TEAD1: variants seen among roughly 807,000 people sequenced by gnomAD.
TEAD1 encodes transcriptional enhancer factor TEF-1.
TEAD1 carries 9 observed loss-of-function variants against 54.9 expected under a neutral mutation model. That is an observed-to-expected ratio of 0.16 (90% CI 0.10 to 0.29). TEAD1 has a LOEUF of 0.29. TEAD1 is among the 10% of genes least tolerant of loss of function. The pLI, the probability that TEAD1 is intolerant of heterozygous loss-of-function variation, is 1.00. For synonymous variants in TEAD1, 200 were observed against 187.8 expected (o/e 1.07, Z -0.53); for missense variants, 387 against 535.9 (o/e 0.72, Z 2.74).
At chr11:12,690,147 CAGG>C (rs964832707) in intron 2 of TEAD1, among the ~76,000 whole-genome samples, 1 of 148,522 alleles carries the variant, frequency 6.7e-6, no homozygotes, top group Non-Finnish European at 1.5e-5. Context: ...AAGCTGAAGG[CAGG>C]AGAATGGCGT....
chr11:12,787,656 C>T (rs1383719664), intron 3 of TEAD1, among the ~76,000 whole-genome samples: 1 of 152,142 alleles, frequency 6.6e-6, no homozygotes, highest in Non-Finnish European at 1.5e-5. Flanking sequence ...AGAACTTTCT[C>T]GGCTTTACTT....
At chr11:12,833,990 T>C (rs1946832654) in intron 3 of TEAD1, among the ~76,000 whole-genome samples, 1 of 152,180 alleles carries the variant, frequency 6.6e-6, no homozygotes, top group African/African-American at 2.4e-5. Context: ...TGTAAGGACT[T>C]AATAAATGTT....
intron 2 of TEAD1, among the ~76,000 whole-genome samples, chr11:12,740,604 A>G (rs1442917504): frequency 6.6e-6 from 1 of 152,204 alleles, no homozygotes; most frequent in Non-Finnish European, 1.5e-5. Context: ...AAACAGGTAC[A>G]TCTTACATGG....
At chr11:12,872,212 G>C (rs1947761953) in intron 5 of TEAD1, among the ~76,000 whole-genome samples, 1 of 152,202 alleles carries the variant, frequency 6.6e-6, no homozygotes, top group Non-Finnish European at 1.5e-5. Context: ...GAATGGGCCT[G>C]TCCACAGGGA....
chr11:12,874,426 T>C (rs374485367), intron 5 of TEAD1, among the ~76,000 whole-genome samples: 87 of 152,290 alleles, frequency 5.7e-4, no homozygotes, highest in African/African-American at 2.1e-3. Flanking sequence ...CATGTAGATA[T>C]TTTCCAAACA....
chr11:12,926,262 C>T (rs1948901524), intron 11 of TEAD1, among the ~76,000 whole-genome samples: 2 of 152,050 alleles, frequency 1.3e-5, no homozygotes, highest in African/African-American at 4.8e-5. Context: ...TGCTGCAGGC[C>T]CTCGTAGCAC....
intron 10 of TEAD1, among the ~76,000 whole-genome samples, chr11:12,903,238 A>G (rs937325723): frequency 6.6e-6 from 1 of 152,102 alleles, no homozygotes; most frequent in Non-Finnish European, 1.5e-5. Flanking sequence ...GGAGCTTGAC[A>G]TCAGATCTGT....
At chr11:12,889,383 G>A (rs1482085583) in intron 9 of TEAD1, among the ~76,000 whole-genome samples, 2 of 44,218 alleles carry the variant, frequency 4.5e-5, no homozygotes, top group African/African-American at 2.0e-4. Context: ...TCTGGGGCAC[G>A]GCGGGTTCCT....
At chr11:12,889,379 G>A (rs1052161638) in intron 9 of TEAD1, among the ~76,000 whole-genome samples, 12 of 94,372 alleles carry the variant, frequency 1.3e-4, no homozygotes, top group African/African-American at 4.8e-4. Context: ...CAATTCTGGG[G>A]CACGGCGGGT....
Position 12,942,718 on chromosome 11 carries a change from A to G in TEAD1, c.*5496A>G, listed in dbSNP as rs1041534545. On this transcript the variant is annotated 3_prime_UTR_variant, in exon 13 of 13. Transcript: ENST00000527636. ...TCAAACTGAGACGACAGTGCAGAAC[A>G]AAACAAAAGTGAGTTAGGGTCGTTA... 4 of 152,254 alleles carry G rather than the reference A, an allele frequency of 2.6e-5. No homozygotes were observed. Among genetic ancestry groups the G allele is most frequent in the Non-Finnish European group, 4.4e-5 (3 of 68,048 alleles). 9.4% of individuals were successfully genotyped at this position (152,254 alleles called of 1,614,324 possible).
intron 3 of TEAD1, among the ~76,000 whole-genome samples, chr11:12,814,064 G>A (rs940417369): frequency 1.3e-5 from 2 of 152,154 alleles, no homozygotes; most frequent in East Asian, 1.9e-4. Context: ...TCTGGGAGCC[G>A]TGTCTCATTC....
intron 2 of TEAD1, among the ~76,000 whole-genome samples, chr11:12,721,158 C>A (rs575213524): frequency 3.3e-5 from 5 of 152,176 alleles, no homozygotes; most frequent in Admixed American, 1.3e-4. Context: ...TTACTAGTCT[C>A]CCATGCAGTG....
At chr11:12,796,097 G>C (rs1041468759) in intron 3 of TEAD1, among the ~76,000 whole-genome samples, 2 of 152,098 alleles carry the variant, frequency 1.3e-5, no homozygotes, top group Middle Eastern at 3.2e-3. Flanking sequence ...GGGCCAGGAG[G>C]GGGGCTAGTG....
chr11:12,862,239 C>G lies in TEAD1; in HGVS notation c.203-11C>G. On this transcript the variant is annotated splice_polypyrimidine_tract_variant and intron_variant, in intron 3 of 12. Coordinates refer to ENST00000527636, the MANE Select transcript of TEAD1 (RefSeq NM_021961.6). ...GTAACCCACCTCATGGTAAATTCTT[C>G]TTTCTTTCAGGTAGGAATGAATTGA... 1 of 1,613,146 alleles carries G rather than the reference C, an allele frequency of 6.2e-7. No homozygotes were observed. Among genetic ancestry groups the G allele is most frequent in the Non-Finnish European group, 8.5e-7 (1 of 1,179,300 alleles).
At chr11:12,722,324 C>T (rs932122210) in intron 2 of TEAD1, among the ~76,000 whole-genome samples, 3 of 152,132 alleles carry the variant, frequency 2.0e-5, no homozygotes, top group Admixed American at 2.0e-4. Context: ...GGAAGAAGAA[C>T]GCAAGAGGGG....
At chr11:12,813,273 G>T (rs1309426685) in intron 3 of TEAD1, among the ~76,000 whole-genome samples, 2 of 152,166 alleles carry the variant, frequency 1.3e-5, no homozygotes, top group African/African-American at 4.8e-5. Context: ...AGGTGTTTGG[G>T]TTTCTTTTCT....
chr11:12,929,530 G>A (rs2134169087), intron 11 of TEAD1, among the ~76,000 whole-genome samples: 1 of 151,516 alleles, frequency 6.6e-6, no homozygotes, highest in East Asian at 1.9e-4. Flanking sequence ...TTCAAGTGCA[G>A]CTTCATCATG....
Position 12,834,973 on chromosome 11 carries a change from G to C in TEAD1, c.203-27277G>C, listed in dbSNP as rs1009311944. Among the ~76,000 whole-genome samples the C allele has an allele frequency of 1.1e-4, 16 of 152,224 alleles. 1 individual carries two copies. The highest frequency in any genetic ancestry group is 1.9e-4 in the Non-Finnish European group (13 of 68,022). ...GAGGGTAAATACAATTGTGTATATA[G>C]AGAAAATGCTTTAGAGTTTTGTGAT... On this transcript the variant is annotated intron_variant, in intron 3 of 12. Transcript: ENST00000527636.
At position 12,784,155 on chromosome 11, in the gene TEAD1, G is replaced by A. The variant is rs76105435; in HGVS notation, c.202+19721G>A. ...ATTAGAGATTAGGCATTTAGATTAG[G>A]TGTATTAGAGATGAGAGGGCTCTGT... On this transcript the variant is annotated intron_variant, in intron 3 of 12. Coordinates refer to ENST00000527636, the MANE Select transcript of TEAD1 (RefSeq NM_021961.6). Among the ~76,000 whole-genome samples the A allele has an allele frequency of 1.0e-3, 153 of 152,276 alleles. 1 individual carries two copies. The highest frequency in any genetic ancestry group is 1.8e-3 in the Non-Finnish European group (121 of 68,034).
Sources: allele counts gnomAD v4.1 joint callset (sites outside exome capture counted in the v4.1 genomes callset), GRCh38; gene constraint gnomAD v4.1.1; transcripts MANE v1.5; gene names NCBI Gene and HGNC (gene_info 2026-07-23, HGNC 2026-07-21).